Variants in FAM168A observed in about 807,000 individuals in gnomAD.
FAM168A encodes family with sequence similarity 168 member A.
In FAM168A, 3 loss-of-function variants were observed where a neutral mutation model predicts 28.5. The observed-to-expected ratio is 0.11, with a 90% CI of 0.05 to 0.27. The LOEUF is 0.27. FAM168A is among the 10% of genes least tolerant of loss of function. The pLI, the probability that FAM168A is intolerant of heterozygous loss-of-function variation, is 1.00. For missense variants in FAM168A, 222 were observed against 311.5 expected (o/e 0.71, Z 2.16); for synonymous variants, 122 against 124.2 (o/e 0.98, Z 0.12).
At chr11:73,461,845 A>C (rs941081109) in intron 2 of FAM168A, among the ~76,000 whole-genome samples, 6 of 152,232 alleles carry the variant, frequency 3.9e-5, no homozygotes, top group Non-Finnish European at 7.3e-5. Flanking sequence ...GAATGATAAC[A>C]GTGGAAAGAT....
At chr11:73,457,747 AAAAG>A (rs1867566543) in intron 2 of FAM168A, among the ~76,000 whole-genome samples, 3 of 134,394 alleles carry the variant, frequency 2.2e-5, no homozygotes, top group African/African-American at 3.3e-5. Context: ...AAAAAAAAAA[AAAAG>A]AAAAGAAAAG....
At chr11:73,504,693 C>A (rs996142842) in intron 1 of FAM168A, among the ~76,000 whole-genome samples, 5 of 152,124 alleles carry the variant, frequency 3.3e-5, no homozygotes, top group Non-Finnish European at 7.4e-5. Context: ...ACTATAAAGA[C>A]ACATGCACAT....
intron 1 of FAM168A, among the ~76,000 whole-genome samples, chr11:73,560,944 G>C (rs1353327966): frequency 6.6e-6 from 1 of 151,840 alleles, no homozygotes. Context: ...ACCTGTAGTT[G>C]CAGCTACTCA....
intron 1 of FAM168A, among the ~76,000 whole-genome samples, chr11:73,535,457 C>T (rs1320454156): frequency 2.1e-5 from 3 of 144,180 alleles, no homozygotes; most frequent in Admixed American, 7.2e-5. Context: ...CTTGTTCTGT[C>T]GCCCAGGCTG....
At chr11:73,525,741 C>T (rs1406473759) in intron 1 of FAM168A, among the ~76,000 whole-genome samples, 1 of 152,204 alleles carries the variant, frequency 6.6e-6, no homozygotes, top group Non-Finnish European at 1.5e-5. Context: ...TTGTTCACAA[C>T]CTGCACCTCT....
intron 1 of FAM168A, among the ~76,000 whole-genome samples, chr11:73,589,495 GAA>G (rs780232062): frequency 6.2e-5 from 4 of 64,962 alleles, no homozygotes; most frequent in Non-Finnish European, 6.4e-5. Flanking sequence ...CTGATAAGCT[GAA>G]AAAAAAAAAA....
chr11:73,587,787 T>C (rs1944333335), intron 1 of FAM168A, among the ~76,000 whole-genome samples: 1 of 152,170 alleles, frequency 6.6e-6, no homozygotes, highest in African/African-American at 2.4e-5. Context: ...TCTAGTTCTG[T>C]CGCCCAGGCT....
chr11:73,534,065 C>A (rs903534402), intron 1 of FAM168A, among the ~76,000 whole-genome samples: 32 of 152,212 alleles, frequency 2.1e-4, no homozygotes, highest in Non-Finnish European at 4.4e-5. Context: ...TACATGATTT[C>A]TTCACCTGTC....
chr11:73,586,301 C>T (rs1229327444), intron 1 of FAM168A, among the ~76,000 whole-genome samples: 1 of 152,086 alleles, frequency 6.6e-6, no homozygotes, highest in Non-Finnish European at 1.5e-5. Flanking sequence ...ACCACCACAG[C>T]AGGGTGCAAT....
At chr11:73,539,151 T>C (rs557309830) in intron 1 of FAM168A, among the ~76,000 whole-genome samples, 1 of 152,366 alleles carries the variant, frequency 6.6e-6, no homozygotes, top group African/African-American at 2.4e-5. Flanking sequence ...CTTCATTTTC[T>C]CAATTCAACA....
At chr11:73,418,045 G>A (rs1418461715) in intron 4 of FAM168A, among the ~76,000 whole-genome samples, 2 of 152,188 alleles carry the variant, frequency 1.3e-5, no homozygotes, top group East Asian at 3.8e-4. Context: ...TAGACTGAGT[G>A]TAATGTAGAT....
intron 1 of FAM168A, among the ~76,000 whole-genome samples, chr11:73,488,711 CCAAA>C (rs1868087915): frequency 6.6e-6 from 1 of 152,128 alleles, no homozygotes; most frequent in African/African-American, 2.4e-5. Flanking sequence ...CATTCCCTTA[CCAAA>C]CAAAGGACAC....
chr11:73,564,081 T>C (rs764333216), intron 1 of FAM168A, among the ~76,000 whole-genome samples: 47 of 152,182 alleles, frequency 3.1e-4, no homozygotes, highest in Non-Finnish European at 6.0e-4. Context: ...CTCTGTAGTG[T>C]AGCAGGACTT....
At chr11:73,522,692 A>T (rs1257337904) in intron 1 of FAM168A, among the ~76,000 whole-genome samples, 1 of 151,196 alleles carries the variant, frequency 6.6e-6, no homozygotes, top group African/African-American at 2.4e-5. Context: ...GCAGTGTCCC[A>T]AATGCGGAGG....
At chr11:73,521,471 C>A (rs535304557) in intron 1 of FAM168A, among the ~76,000 whole-genome samples, 6 of 151,362 alleles carry the variant, frequency 4.0e-5, no homozygotes. Flanking sequence ...AAAAAAAAAA[C>A]AAAAAAAGAA....
chr11:73,554,211 C>CA (rs1273870908), intron 1 of FAM168A, among the ~76,000 whole-genome samples: 1 of 151,710 alleles, frequency 6.6e-6, no homozygotes, highest in East Asian at 1.9e-4. Context: ...CCCATCTCCA[C>CA]AAAAAACAAA....
intron 1 of FAM168A, among the ~76,000 whole-genome samples, chr11:73,517,288 C>A (rs546936169): frequency 1.3e-5 from 2 of 152,266 alleles, no homozygotes; most frequent in East Asian, 1.9e-4. Flanking sequence ...ACCTCGGCCT[C>A]CCAAAGTGCT....
intron 1 of FAM168A, among the ~76,000 whole-genome samples, chr11:73,506,887 T>G (rs1855126397): frequency 6.6e-6 from 1 of 152,206 alleles, no homozygotes; most frequent in South Asian, 2.1e-4. Flanking sequence ...TCACATATAT[T>G]GCTTTCCCCA....
At chr11:73,587,788 CGCCCAGGCTGGAG>C (rs1944333511) in intron 1 of FAM168A, among the ~76,000 whole-genome samples, 1 of 151,804 alleles carries the variant, frequency 6.6e-6, no homozygotes, top group South Asian at 2.1e-4. Context: ...CTAGTTCTGT[CGCCCAGGCTGGAG>C]GGCAGTGGCG....
Sources: gnomAD v4.1 joint callset for allele counts (sites outside exome capture counted in the v4.1 genomes callset) on GRCh38, gnomAD v4.1.1 for gene constraint, MANE v1.5 for transcripts, NCBI Gene and HGNC (gene_info 2026-07-23, HGNC 2026-07-21) for gene names.